AMPH: variants seen among roughly 807,000 people sequenced by gnomAD.
AMPH encodes amphiphysin, also known as amphiphysin (Stiff-Mann syndrome with breast cancer 128kD autoantigen).
A neutral mutation model predicts 99.1 loss-of-function variants in AMPH; 49 were observed. That is an observed-to-expected ratio of 0.49 (90% CI 0.39 to 0.63). AMPH has a LOEUF of 0.63. Ranked by LOEUF, AMPH falls within the 20% of genes least tolerant of loss-of-function variation. The probability of loss-of-function intolerance (pLI) is 0.00; values close to 1 mark genes in which losing one functional copy is unlikely to be tolerated. For synonymous variants in AMPH, 314 were observed against 317.3 expected, an observed-to-expected ratio of 0.99 and a Z score of 0.11; for missense variants, 759 against 863.4, an observed-to-expected ratio of 0.88 and a Z score of 1.52.
At chr7:38,525,271 T>TAG (rs1260420807) in intron 2 of AMPH, among the ~76,000 whole-genome samples, 2 of 71,338 alleles carry the variant, frequency 2.8e-5, no homozygotes, top group Non-Finnish European at 2.9e-5. Context: ...TATATATATA[T>TAG]ATATATAGAG....
intron 2 of AMPH, among the ~76,000 whole-genome samples, chr7:38,527,501 G>C (rs879590981): frequency 2.0e-5 from 3 of 152,044 alleles, no homozygotes; most frequent in Non-Finnish European, 4.4e-5. Flanking sequence ...TTTTTCTTTG[G>C]AGTGATTATA....
At chr7:38,442,612 G>C in intron 11 of AMPH, among the ~76,000 whole-genome samples, 1 of 151,840 alleles carries the variant, frequency 6.6e-6, no homozygotes, top group East Asian at 1.9e-4. Flanking sequence ...AATTCAATGA[G>C]TCAAAAAAGA....
intron 14 of AMPH, 27 bp from the exon 15 acceptor site, chr7:38,427,013 GTTA>G (rs756223032): frequency 1.6e-5 from 25 of 1,604,222 alleles, no homozygotes; most frequent in East Asian, 2.2e-5. Context: ...ATCAGATTGT[GTTA>G]TTATTTTTCA....
Position 38,391,997 on chromosome 7 carries a change from C to A in AMPH, c.1629G>T (p.Val543=), listed in dbSNP as rs140004277. 1.2e-5 allele frequency: 19 copies of A among 1,607,022 alleles called. No individual in the cohort carries two copies. Among genetic ancestry groups the A allele is most frequent in the Non-Finnish European group, 1.5e-5 (18 of 1,179,980 alleles). ...CATGGTTGGAGGCAGGCTCTATGACCACCGAAGGAATGACCTTCTCCTGGG... is the reference window on the plus strand; with the variant it reads ...CATGGTTGGAGGCAGGCTCTATGACAACCGAAGGAATGACCTTCTCCTGGG... The part of the protein sequence containing the change: ...TVPQEKVIPS[V]VIEPASNHEE... The change falls in exon 19 of 21, where the codon GTG becomes GTT. Residue 543 remains valine (V), a synonymous_variant. Transcript: ENST00000356264.
At chr7:38,559,996 T>C (rs1449575418) in intron 1 of AMPH, among the ~76,000 whole-genome samples, 3 of 152,358 alleles carry the variant, frequency 2.0e-5, no homozygotes, top group Admixed American at 1.3e-4. Context: ...CTGTTTCATA[T>C]GGAATTCTGC....
intron 1 of AMPH, among the ~76,000 whole-genome samples, chr7:38,579,495 T>C (rs531737745): frequency 1.4e-4 from 21 of 152,370 alleles, no homozygotes; most frequent in African/African-American, 5.0e-4. Context: ...CAATGTAATA[T>C]ACATCAAGTA....
At chr7:38,565,072 C>A (rs1469174246) in intron 1 of AMPH, among the ~76,000 whole-genome samples, 4 of 150,198 alleles carry the variant, frequency 2.7e-5, no homozygotes, top group Non-Finnish European at 5.9e-5. Flanking sequence ...TGCAGTGAGC[C>A]GAGATCGTGC....
At chr7:38,611,934 G>A (rs1209218948) in intron 1 of AMPH, among the ~76,000 whole-genome samples, 5 of 152,174 alleles carry the variant, frequency 3.3e-5, no homozygotes. Context: ...ACCTTTGGGT[G>A]TTAATCCTCA....
chr7:38,534,443 T>G (rs903589258), intron 2 of AMPH, among the ~76,000 whole-genome samples: 1 of 152,126 alleles, frequency 6.6e-6, no homozygotes, highest in African/African-American at 2.4e-5. Context: ...GAGGCCTAGG[T>G]GGGTGGATCG....
At chr7:38,476,780 G>T (rs552692803) in intron 6 of AMPH, 82 bp downstream of exon 6, 2 of 919,282 alleles carry the variant, frequency 2.2e-6, no homozygotes, top group Non-Finnish European at 3.5e-6. Context: ...CTTTTATAGA[G>T]GAGGCATTTA....
At chr7:38,486,925 C>A (rs1788519951) in intron 5 of AMPH, among the ~76,000 whole-genome samples, 1 of 151,920 alleles carries the variant, frequency 6.6e-6, no homozygotes, top group South Asian at 2.1e-4. Context: ...GGGAAAGTAC[C>A]CCAACATATC....
At chr7:38,386,460 A>T (rs3778891) in intron 20 of AMPH, among the ~76,000 whole-genome samples, 113,535 of 152,110 alleles carry the variant, frequency 0.75, 42,720 homozygotes, top group Admixed American at 0.77. Flanking sequence ...AACACATATA[A>T]TCTGAAAGAC....
chr7:38,620,334 ATATG>A (rs938363812), intron 1 of AMPH, among the ~76,000 whole-genome samples: 35 of 86,286 alleles, frequency 4.1e-4, no homozygotes, highest in African/African-American at 1.0e-3. Context: ...GGAGATATAT[ATATG>A]TGTGTGTGTG....
chr7:38,630,957 G>T (rs1406952791), intron 1 of AMPH, among the ~76,000 whole-genome samples: 1 of 152,174 alleles, frequency 6.6e-6, no homozygotes, highest in Admixed American at 6.5e-5. Context: ...GCAAGCTGCC[G>T]CACCTCCTAC....
At chr7:38,429,389 GGGACAT>G in intron 14 of AMPH, 1 of 1,291,250 alleles carries the variant, frequency 7.7e-7, no homozygotes, top group South Asian at 1.2e-5. Context: ...CTGTTTCGGA[GGGACAT>G]GCAGAGTCTT....
intron 12 of AMPH, among the ~76,000 whole-genome samples, chr7:38,435,285 T>C (rs1786217619): frequency 1.3e-5 from 2 of 152,228 alleles, no homozygotes; most frequent in Admixed American, 6.5e-5. Flanking sequence ...GAAAAAAGCA[T>C]GGACTAGACA....
rs916946026 is a variant in AMPH, at chr7:38,454,701, C to T, written c.1017+6582G>A. On this transcript the variant is annotated intron_variant, in intron 11 of 20. Coordinates refer to ENST00000356264, the MANE Select transcript of AMPH (RefSeq NM_001635.4). ...GAAGGACAAAAGACTTAAAATTATT[C>T]ACCTCTTTCAATTTCATTTCCTATC... 5.9e-5 allele frequency among the ~76,000 whole-genome samples: 9 copies of T among 152,116 alleles called. No individual in the cohort carries two copies. The South Asian group carries it at 1.5e-3, about 25-fold the overall frequency.
At chr7:38,465,337 G>A in intron 9 of AMPH, 130 bp downstream of exon 9, 2 of 693,854 alleles carry the variant, frequency 2.9e-6, no homozygotes, top group South Asian at 2.5e-5. Flanking sequence ...TAAAATTAGT[G>A]TCAGCTTCTA....
chr7:38,451,526 G>GT (rs144644885), intron 11 of AMPH, among the ~76,000 whole-genome samples: 7,603 of 151,978 alleles, frequency 0.05, 371 homozygotes, highest in African/African-American at 0.13. Context: ...TTCTTAAAGT[G>GT]TTTTACCAAA....
Sources: gnomAD v4.1 joint callset for allele counts (sites outside exome capture counted in the v4.1 genomes callset) on GRCh38, gnomAD v4.1.1 for gene constraint, MANE v1.5 for transcripts, NCBI Gene and HGNC (gene_info 2026-07-23, HGNC 2026-07-21) for gene names.